Variants in HYDIN observed in about 807,000 individuals in gnomAD.
HYDIN encodes axonemal central pair apparatus protein HYDIN.
Under a neutral mutation model 403.9 loss-of-function variants are expected in HYDIN, and 132 were observed. The observed-to-expected ratio is 0.33, with a 90% CI of 0.28 to 0.38. HYDIN has a LOEUF of 0.38. Among genes scored for constraint, HYDIN ranks in the 10% least tolerant of loss-of-function variants. The pLI, the probability that HYDIN is intolerant of heterozygous loss-of-function variation, is 1.00. For missense variants in HYDIN, 2,827 were observed against 5,009.5 expected (o/e 0.56, Z 13.15); for synonymous variants, 1,202 against 1,891.7 (o/e 0.64, Z 9.46).
chr16:71,046,546 AC>A (rs1294169310), intron 18 of HYDIN, among the ~76,000 whole-genome samples: 1 of 152,096 alleles, frequency 6.6e-6, no homozygotes, highest in Admixed American at 6.6e-5. Context: ...TTTCATTGCA[AC>A]TGACATTAAA....
intron 82 of HYDIN, 76 bp downstream of exon 82, chr16:70,828,190 T>G: frequency 1.9e-6 from 1 of 519,624 alleles, no homozygotes; most frequent in East Asian, 3.3e-5. Context: ...AGGTCCTAAG[T>G]AGGGGAAGGA....
At chr16:71,063,579 G>A (rs1223834773) in intron 16 of HYDIN, among the ~76,000 whole-genome samples, 1 of 152,172 alleles carries the variant, frequency 6.6e-6, no homozygotes, top group African/African-American at 2.4e-5. Context: ...CATGCACTGT[G>A]CAGGGCTGGC....
Position 70,955,540 on chromosome 16 carries a change from C to T in HYDIN, c.6151G>A (p.Ala2051Thr). The T allele has an allele frequency of 6.9e-7, 1 of 1,447,898 alleles. No individual in the cohort carries two copies. The highest frequency in any genetic ancestry group is 9.6e-7 in the Non-Finnish European group (1 of 1,043,940). 89.7% of individuals were successfully genotyped at this position (1,447,898 alleles called of 1,614,324 possible). The change falls in exon 40 of 86, where the codon GCC becomes ACC. Residue 2051 changes from alanine (A) to threonine (T), a missense_variant. Ala to Thr is a moderately conservative substitution (Grantham distance 58, BLOSUM62 0). Coordinates refer to ENST00000393567, the MANE Select transcript of HYDIN (RefSeq NM_001270974.2). ...TACTTGGCCACGCTAACGGCATTGGCTGACTTTCCTATTAAAAAGACCAGG... is the reference window on the plus strand; with the variant it reads ...TACTTGGCCACGCTAACGGCATTGGTTGACTTTCCTATTAAAAAGACCAGG... ...IHGTPLSGKS[A>T]NAVSVAKYYN...
chr16:71,215,202 G>A (rs947334095), intron 1 of HYDIN, among the ~76,000 whole-genome samples: 1 of 151,628 alleles, frequency 6.6e-6, no homozygotes, highest in African/African-American at 2.4e-5. Flanking sequence ...CTATTCTGAA[G>A]AAGCAAGGAA....
intron 45 of HYDIN, among the ~76,000 whole-genome samples, chr16:70,926,155 T>C (rs928552919): frequency 3.4e-5 from 5 of 145,250 alleles, no homozygotes; most frequent in Admixed American, 6.9e-5. Flanking sequence ...TAACGACACA[T>C]GCGCATGTAT....
At chr16:70,845,788 G>T (rs1261746993) in intron 75 of HYDIN, among the ~76,000 whole-genome samples, 1 of 136,302 alleles carries the variant, frequency 7.3e-6, no homozygotes, top group Admixed American at 6.9e-5. Flanking sequence ...ATGTGTCGAG[G>T]AATTTATCCA....
intron 1 of HYDIN, among the ~76,000 whole-genome samples, chr16:71,210,641 C>T (rs1250358691): frequency 6.6e-6 from 1 of 151,944 alleles, no homozygotes; most frequent in South Asian, 2.1e-4. Context: ...CACACATGTA[C>T]CCCTGAACCT....
chr16:71,207,610 TA>T (rs1376754230), intron 1 of HYDIN, among the ~76,000 whole-genome samples: 1 of 152,150 alleles, frequency 6.6e-6, no homozygotes, highest in African/African-American at 2.4e-5. Flanking sequence ...ATGCCCCAGT[TA>T]AAAGGCACAG....
At chr16:71,160,193 C>G (rs1272357292) in intron 6 of HYDIN, among the ~76,000 whole-genome samples, 1 of 127,126 alleles carries the variant, frequency 7.9e-6, no homozygotes, top group Non-Finnish European at 1.6e-5. Flanking sequence ...ATAAGAAAAA[C>G]TCATACCATT....
chr16:70,999,247 A>C (rs1018971187), intron 23 of HYDIN, among the ~76,000 whole-genome samples: 7 of 152,250 alleles, frequency 4.6e-5, no homozygotes, highest in African/African-American at 1.7e-4. Flanking sequence ...ATTCTGATTT[A>C]CTTGGCTTCA....
intron 7 of HYDIN, among the ~76,000 whole-genome samples, chr16:71,149,450 C>T (rs541588203): frequency 6.6e-6 from 1 of 151,674 alleles, no homozygotes; most frequent in African/African-American, 2.4e-5. Flanking sequence ...GAAATAAAAA[C>T]ATATGTATAT....
chr16:71,138,941 G>A (rs1295390025), intron 7 of HYDIN, among the ~76,000 whole-genome samples: 1 of 151,906 alleles, frequency 6.6e-6, no homozygotes, highest in Non-Finnish European at 1.5e-5. Flanking sequence ...AAAATTAGCT[G>A]GGCATGGTGG....
At chr16:70,940,550 T>C (rs2077638359) in intron 43 of HYDIN, among the ~76,000 whole-genome samples, 1 of 151,796 alleles carries the variant, frequency 6.6e-6, no homozygotes, top group Non-Finnish European at 1.5e-5. Context: ...AGCCCACAGT[T>C]GAACTGGGAG....
In HYDIN at chr16:70,991,994, A is replaced by G. The variant is rs1446388388; in HGVS notation, c.3785+76T>C. ...TACTGGATGAATGAACCAATGAGGG[A>G]TGAGTATTGAGAATGTAAGTCCGTG... is the stretch of plus-strand genomic sequence containing the variant. On this transcript the variant is annotated intron_variant, in intron 24 of 85. Transcript: ENST00000393567. The G allele has an allele frequency of 2.7e-5, 43 of 1,601,760 alleles. No individual in the cohort carries two copies. The Admixed American group carries it at 6.9e-4, about 26-fold the overall frequency.
intron 10 of HYDIN, among the ~76,000 whole-genome samples, chr16:71,100,003 C>T (rs2083407092): frequency 6.6e-6 from 1 of 151,602 alleles, no homozygotes. Flanking sequence ...GAAGTGGTCT[C>T]AAAAAATAAA....
intron 7 of HYDIN, among the ~76,000 whole-genome samples, chr16:71,145,764 G>C (rs1432568598): frequency 7.2e-5 from 11 of 152,170 alleles, no homozygotes. Flanking sequence ...ATCTGCTATA[G>C]TGAAAGAACA....
At chr16:71,176,868 T>C (rs2086688831) in intron 4 of HYDIN, among the ~76,000 whole-genome samples, 1 of 152,200 alleles carries the variant, frequency 6.6e-6, no homozygotes. Flanking sequence ...TGACAGGCTC[T>C]ATCTTTTGTA....
intron 45 of HYDIN, among the ~76,000 whole-genome samples, chr16:70,934,457 T>C (rs2077442154): frequency 6.6e-6 from 1 of 152,164 alleles, no homozygotes; most frequent in Non-Finnish European, 1.5e-5. Flanking sequence ...AGCAGTCCTT[T>C]TGATGAGGAA....
chr16:70,887,107 A>G (rs1283935521), intron 58 of HYDIN, among the ~76,000 whole-genome samples: 1 of 152,170 alleles, frequency 6.6e-6, no homozygotes, highest in Non-Finnish European at 1.5e-5. Flanking sequence ...TTAGACTTAA[A>G]TAGACTTTCA....
Sources: gnomAD v4.1 joint callset for allele counts (sites outside exome capture counted in the v4.1 genomes callset) on GRCh38, gnomAD v4.1.1 for gene constraint, MANE v1.5 for transcripts, NCBI Gene and HGNC (gene_info 2026-07-23, HGNC 2026-07-21) for gene names.